The following ARID2 variants were observed in gnomAD, a reference collection of about 807,000 sequenced individuals.
ARID2 encodes the protein AT-rich interaction domain 2.
Under a neutral mutation model 184.6 loss-of-function variants are expected in ARID2, and 32 were observed. The ratio of observed to expected loss-of-function variants is 0.17; its 90% CI spans 0.13 to 0.23. The LOEUF (loss-of-function observed/expected upper bound fraction) is 0.23, where lower values mean the gene tolerates loss of function less well. Among genes scored for constraint, ARID2 ranks in the 10% least tolerant of loss-of-function variants. The probability of loss-of-function intolerance (pLI) is 1.00; values close to 1 mark genes in which losing one functional copy is unlikely to be tolerated. For missense variants in ARID2, 1,696 were observed against 2,197.6 expected (o/e 0.77, Z 4.56); for synonymous variants, 836 against 772.6 (o/e 1.08, Z -1.36).
At chr12:45,757,594 G>A (rs1220913973) in intron 3 of ARID2, among the ~76,000 whole-genome samples, 1 of 152,186 alleles carries the variant, frequency 6.6e-6, no homozygotes, top group East Asian at 1.9e-4. Context: ...TGAGAAAAAA[G>A]GAGAAGCCAA....
At chr12:45,856,109 C>T (rs1444104822) in intron 15 of ARID2, among the ~76,000 whole-genome samples, 1 of 123,682 alleles carries the variant, frequency 8.1e-6, no homozygotes, top group East Asian at 2.5e-4. Flanking sequence ...CAGTCTCGCT[C>T]TGTTGCGTAG....
intron 3 of ARID2, among the ~76,000 whole-genome samples, chr12:45,754,804 AAC>A (rs1172420850): frequency 6.6e-6 from 1 of 152,204 alleles, no homozygotes; most frequent in Non-Finnish European, 1.5e-5. Context: ...CTAACATCAT[AAC>A]ACAATACTAA....
At chr12:45,748,294 G>A (rs571662012) in intron 3 of ARID2, among the ~76,000 whole-genome samples, 1 of 152,176 alleles carries the variant, frequency 6.6e-6, no homozygotes, top group Non-Finnish European at 1.5e-5. Context: ...GGGAGGCTGA[G>A]GTGGAAGGAT....
intron 16 of ARID2, among the ~76,000 whole-genome samples, chr12:45,870,423 A>G (rs1456666385): frequency 6.6e-6 from 1 of 152,188 alleles, no homozygotes; most frequent in African/African-American, 2.4e-5. Context: ...TACACATGTG[A>G]TAATTGATGA....
chr12:45,893,387 T>TTCTCTCTCTC, intron 18 of ARID2, 33 bp from the exon 19 acceptor site: 1 of 1,462,726 alleles, frequency 6.8e-7, no homozygotes. Context: ...ATCACGTTAA[T>TTCTCTCTCTC]TCTCTCTCTC....
chr12:45,835,969 A>AT (rs1169926554), intron 6 of ARID2, among the ~76,000 whole-genome samples: 3 of 151,938 alleles, frequency 2.0e-5, no homozygotes, highest in African/African-American at 7.2e-5. Flanking sequence ...TAGAGATGTC[A>AT]TTTTTCCCCC....
chr12:45,795,735 C>G (rs1016721190), intron 3 of ARID2, among the ~76,000 whole-genome samples: 1 of 152,106 alleles, frequency 6.6e-6, no homozygotes, highest in South Asian at 2.1e-4. Flanking sequence ...CGCGCCTGGC[C>G]TCTCTGTTCT....
chr12:45,754,856 C>CAATG (rs1480429569), intron 3 of ARID2, among the ~76,000 whole-genome samples: 1 of 152,092 alleles, frequency 6.6e-6, no homozygotes, highest in Non-Finnish European at 1.5e-5. Context: ...CTAATAGAAT[C>CAATG]AATGAATGAA....
At chr12:45,736,532 G>A (rs763472510) in intron 3 of ARID2, among the ~76,000 whole-genome samples, 3 of 152,022 alleles carry the variant, frequency 2.0e-5, no homozygotes, top group Non-Finnish European at 4.4e-5. Context: ...TATTGTGAAG[G>A]TGCTTATTGG....
intron 16 of ARID2, among the ~76,000 whole-genome samples, chr12:45,861,617 C>T (rs1238733788): frequency 7.4e-6 from 1 of 134,448 alleles, no homozygotes; most frequent in African/African-American, 2.9e-5. Context: ...CAGAGTCTCG[C>T]TCTGTTGTTC....
intron 3 of ARID2, among the ~76,000 whole-genome samples, chr12:45,742,833 G>A (rs1941288961): frequency 6.6e-6 from 1 of 152,196 alleles, no homozygotes; most frequent in African/African-American, 2.4e-5. Flanking sequence ...GATTGAAGCA[G>A]CAATCAAAGA....
chr12:45,739,234 C>T (rs1366701968), intron 3 of ARID2, among the ~76,000 whole-genome samples: 2 of 152,030 alleles, frequency 1.3e-5, no homozygotes, highest in Non-Finnish European at 1.5e-5. Flanking sequence ...CTGCTTTGGC[C>T]TCCCAAAGTG....
intron 20 of ARID2, among the ~76,000 whole-genome samples, chr12:45,899,741 T>A (rs369987158): frequency 0.036 from 3,778 of 104,514 alleles, 94 homozygotes; most frequent in Non-Finnish European, 0.053. Context: ...ATATATGGTT[T>A]TATATATATA....
At chr12:45,899,270 CAAAAAAAAAAA>C (rs774912363) in intron 20 of ARID2, among the ~76,000 whole-genome samples, 17,336 of 46,222 alleles carry the variant, frequency 0.38, 1,641 homozygotes, top group Middle Eastern at 0.48. Flanking sequence ...GACTCTGTCT[CAAAAAAAAAAA>C]AAAAAAAAAA....
At chr12:45,743,476 A>G (rs1395039664) in intron 3 of ARID2, among the ~76,000 whole-genome samples, 1 of 152,224 alleles carries the variant, frequency 6.6e-6, no homozygotes, top group Non-Finnish European at 1.5e-5. Flanking sequence ...CTTTCAAGCA[A>G]CGAACTGCCT....
intron 15 of ARID2, among the ~76,000 whole-genome samples, chr12:45,858,500 A>G (rs917422793): frequency 2.0e-5 from 3 of 152,146 alleles, no homozygotes; most frequent in Non-Finnish European, 2.9e-5. Flanking sequence ...TATTTTTCCA[A>G]CATTAACTTC....
intron 3 of ARID2, among the ~76,000 whole-genome samples, chr12:45,792,822 A>C (rs931464572): frequency 6.6e-6 from 1 of 152,142 alleles, no homozygotes; most frequent in Non-Finnish European, 1.5e-5. Context: ...TTTTATGTTA[A>C]AGTGTGTTAT....
chr12:45,735,418 C>CGTGTGTGTGTGTGTGTGT (rs56133410), intron 3 of ARID2, among the ~76,000 whole-genome samples: 3 of 141,398 alleles, frequency 2.1e-5, no homozygotes, highest in African/African-American at 7.9e-5. Flanking sequence ...TAAACTGTAT[C>CGTGTGTGTGTGTGTGTGT]GTGTGTGTGT....
chr12:45,849,488 C>A, intron 13 of ARID2, 92 bp from the exon 14 acceptor site: 1 of 995,582 alleles, frequency 1.0e-6, no homozygotes, highest in Non-Finnish European at 1.5e-6. Context: ...ACATAAGCAA[C>A]AGTAAACATA....
Sources: allele counts gnomAD v4.1 joint callset (sites outside exome capture counted in the v4.1 genomes callset), GRCh38; gene constraint gnomAD v4.1.1; transcripts MANE v1.5; gene names NCBI Gene and HGNC (gene_info 2026-07-23, HGNC 2026-07-21).